The following TAFA5 variants were observed in gnomAD, a reference collection of about 807,000 sequenced individuals.
TAFA5 encodes the protein TAFA chemokine like family member 5.
In TAFA5, 6 loss-of-function variants were observed where a neutral mutation model predicts 15.3. The observed-to-expected ratio is 0.39, with a 90% CI of 0.21 to 0.77. TAFA5 has a LOEUF of 0.77. Among genes scored for constraint, TAFA5 ranks in the 30% least tolerant of loss-of-function variants. TAFA5 has a pLI of 0.41. For synonymous variants in TAFA5, 103 were observed against 80.7 expected, an observed-to-expected ratio of 1.28 and a Z score of -1.48; for missense variants, 161 against 193.1, an observed-to-expected ratio of 0.83 and a Z score of 0.98.
At chr22:48,703,270 C>T (rs1205698658) in intron 2 of TAFA5, among the ~76,000 whole-genome samples, 2 of 152,134 alleles carry the variant, frequency 1.3e-5, no homozygotes, top group Non-Finnish European at 2.9e-5. Flanking sequence ...GGCATGGCAG[C>T]TACAGCATAG....
chr22:48,659,537 C>T, intron 2 of TAFA5, among the ~76,000 whole-genome samples: 1 of 152,200 alleles, frequency 6.6e-6, no homozygotes, highest in Non-Finnish European at 1.5e-5. Flanking sequence ...GAGGAGGCTC[C>T]AAGTCAGGGA....
intron 1 of TAFA5, among the ~76,000 whole-genome samples, chr22:48,591,063 G>T (rs1456858441): frequency 6.6e-6 from 1 of 152,168 alleles, no homozygotes; most frequent in African/African-American, 2.4e-5. Context: ...TGTTGGCCGG[G>T]TTGGTCTTGA....
At chr22:48,546,054 G>A (rs7292257) in intron 1 of TAFA5, among the ~76,000 whole-genome samples, 107,269 of 152,110 alleles carry the variant, frequency 0.71, 37,936 homozygotes, top group Middle Eastern at 0.81. Flanking sequence ...GCACATGCTC[G>A]GTTTTGGGGC....
intron 2 of TAFA5, among the ~76,000 whole-genome samples, chr22:48,650,390 A>C (rs1333281962): frequency 6.6e-6 from 1 of 152,156 alleles, no homozygotes; most frequent in Admixed American, 6.5e-5. Context: ...GGGGAAGTCA[A>C]CTCAAAACAC....
intron 2 of TAFA5, among the ~76,000 whole-genome samples, chr22:48,705,504 C>T (rs1299166711): frequency 1.3e-5 from 2 of 152,230 alleles, no homozygotes; most frequent in East Asian, 3.9e-4. Flanking sequence ...CCTGTGCCCT[C>T]GTGGGGTGAG....
intron 1 of TAFA5, among the ~76,000 whole-genome samples, chr22:48,582,374 C>A (rs1031497304): frequency 5.9e-5 from 9 of 151,512 alleles, no homozygotes; most frequent in Admixed American, 2.6e-4. Flanking sequence ...GTACCACACA[C>A]AAAATACACC....
At chr22:48,631,492 G>A (rs1440536552) in intron 1 of TAFA5, among the ~76,000 whole-genome samples, 1 of 152,212 alleles carries the variant, frequency 6.6e-6, no homozygotes, top group African/African-American at 2.4e-5. Context: ...CCTGCCAGGC[G>A]GCAGCATCCT....
At chr22:48,601,247 C>A (rs1003770587) in intron 1 of TAFA5, among the ~76,000 whole-genome samples, 1 of 152,258 alleles carries the variant, frequency 6.6e-6, no homozygotes, top group Non-Finnish European at 1.5e-5. Flanking sequence ...CGATGTATCC[C>A]TTATGGAGAA....
chr22:48,529,230 G>A (rs1292167245), intron 1 of TAFA5, among the ~76,000 whole-genome samples: 1 of 147,994 alleles, frequency 6.8e-6, no homozygotes. Context: ...CAGGAGATGG[G>A]GGTGTTCAGG....
At position 48,751,779 on chromosome 22, in the gene TAFA5, G is replaced by A. The variant is rs933687700; in HGVS notation, c.*1932G>A. 3 of 152,488 alleles carry A rather than the reference G, an allele frequency of 2.0e-5. No homozygotes were observed. The highest frequency in any genetic ancestry group is 7.2e-5 in the African/African-American group (3 of 41,452). The allele number at this position is 152,488 out of a possible 1,614,324, so 9.4% of individuals were successfully genotyped here. On this transcript the variant is annotated 3_prime_UTR_variant, in exon 4 of 4. Coordinates refer to ENST00000402357, the MANE Select transcript of TAFA5 (RefSeq NM_001082967.3). ...CCAGCGTCCTCACGGCCTCCCCCTC[G>A]CCTGTTTCTTTTGAAAGCAAGTGTA...
intron 2 of TAFA5, among the ~76,000 whole-genome samples, chr22:48,684,054 G>A (rs1442648198): frequency 6.6e-6 from 1 of 152,138 alleles, no homozygotes; most frequent in Non-Finnish European, 1.5e-5. Context: ...ATTCATAGCA[G>A]TTTGAAAACT....
intron 1 of TAFA5, among the ~76,000 whole-genome samples, chr22:48,511,882 G>A (rs1180575721): frequency 2.6e-5 from 4 of 152,242 alleles, no homozygotes; most frequent in African/African-American, 9.6e-5. Flanking sequence ...GAGCAGTCAG[G>A]CGGGCTCCCG....
chr22:48,625,704 G>C (rs1926005078), intron 1 of TAFA5, among the ~76,000 whole-genome samples: 1 of 152,154 alleles, frequency 6.6e-6, no homozygotes, highest in Non-Finnish European at 1.5e-5. Context: ...CCTAGTAAAT[G>C]ATATTTTAGA....
intron 1 of TAFA5, chr22:48,576,717 G>A (rs1224176590): frequency 6.5e-5 from 67 of 1,034,694 alleles, no homozygotes; most frequent in Non-Finnish European, 7.8e-5. Context: ...CGGAGCGGCC[G>A]GCGGCGCGAC....
At chr22:48,529,953 A>G (rs944315019) in intron 1 of TAFA5, among the ~76,000 whole-genome samples, 7 of 152,094 alleles carry the variant, frequency 4.6e-5, no homozygotes, top group African/African-American at 1.7e-4. Flanking sequence ...CTCCCTTCAC[A>G]GGGTGTTGGA....
At chr22:48,648,040 G>T (rs1164118535) in intron 2 of TAFA5, among the ~76,000 whole-genome samples, 3 of 152,212 alleles carry the variant, frequency 2.0e-5, no homozygotes, top group African/African-American at 7.2e-5. Flanking sequence ...TAGGGCCGAG[G>T]ATATGTAGGG....
At chr22:48,631,515 G>A (rs1057197198) in intron 1 of TAFA5, among the ~76,000 whole-genome samples, 2 of 152,232 alleles carry the variant, frequency 1.3e-5, no homozygotes, top group African/African-American at 4.8e-5. Flanking sequence ...CGACTGCTGT[G>A]AGTGTCCCCA....
intron 1 of TAFA5, among the ~76,000 whole-genome samples, chr22:48,613,968 C>T (rs569956505): frequency 6.6e-6 from 1 of 152,352 alleles, no homozygotes; most frequent in East Asian, 1.9e-4. Context: ...GCTCGCGGCC[C>T]CTGCGAGATG....
intron 2 of TAFA5, among the ~76,000 whole-genome samples, chr22:48,652,403 TAAGG>T (rs147218988): frequency 0.038 from 5,836 of 152,262 alleles, 154 homozygotes; most frequent in South Asian, 0.078. Flanking sequence ...GTGGTTGGGA[TAAGG>T]AAGGCCCTGC....
Sources: gnomAD v4.1 joint callset for allele counts (sites outside exome capture counted in the v4.1 genomes callset) on GRCh38, gnomAD v4.1.1 for gene constraint, MANE v1.5 for transcripts, NCBI Gene and HGNC (gene_info 2026-07-23, HGNC 2026-07-21) for gene names.